CPEB3: variants seen among roughly 807,000 people sequenced by gnomAD.
The protein encoded by CPEB3 is cytoplasmic polyadenylation element binding protein 3.
CPEB3 carries 20 observed loss-of-function variants against 67.2 expected under a neutral mutation model. That is an observed-to-expected ratio of 0.30 (90% CI 0.21 to 0.43). The LOEUF (loss-of-function observed/expected upper bound fraction) is 0.43. Among genes scored for constraint, CPEB3 ranks in the 20% least tolerant of loss-of-function variants. The pLI, the probability that CPEB3 is intolerant of heterozygous loss-of-function variation, is 1.00. For synonymous variants in CPEB3, 376 were observed against 393.1 expected, an observed-to-expected ratio of 0.96 and a Z score of 0.51; for missense variants, 746 against 968.6, an observed-to-expected ratio of 0.77 and a Z score of 3.05.
At chr10:92,077,578 G>A (rs1564759150) in intron 9 of CPEB3, among the ~76,000 whole-genome samples, 1 of 152,024 alleles carries the variant, frequency 6.6e-6, no homozygotes, top group Non-Finnish European at 1.5e-5. Context: ...GCAATATGGT[G>A]AAACCTTATT....
At chr10:92,196,426 G>C (rs1469193386) in intron 2 of CPEB3, among the ~76,000 whole-genome samples, 1 of 152,090 alleles carries the variant, frequency 6.6e-6, no homozygotes, top group Non-Finnish European at 1.5e-5. Context: ...CCACTTACTG[G>C]CATGTCACTT....
chr10:92,229,207 A>AT (rs1851142679), intron 2 of CPEB3, among the ~76,000 whole-genome samples: 7 of 151,564 alleles, frequency 4.6e-5, no homozygotes, highest in South Asian at 2.1e-4. Flanking sequence ...AAAATTTTTA[A>AT]TTTTTTTATA....
chr10:92,174,233 A>G (rs1051386085), intron 4 of CPEB3, among the ~76,000 whole-genome samples: 6 of 152,318 alleles, frequency 3.9e-5, no homozygotes, highest in Admixed American at 3.3e-4. Context: ...GTTCACTCCC[A>G]GCAGAGGATA....
At chr10:92,281,427 A>G (rs546981450) in intron 1 of CPEB3, among the ~76,000 whole-genome samples, 2 of 152,164 alleles carry the variant, frequency 1.3e-5, no homozygotes, top group South Asian at 2.1e-4. Flanking sequence ...AAATTTTTAT[A>G]TATTCTAAAT....
At chr10:92,129,296 T>C (rs553990401) in intron 6 of CPEB3, among the ~76,000 whole-genome samples, 2 of 152,164 alleles carry the variant, frequency 1.3e-5, no homozygotes, top group African/African-American at 2.4e-5. Flanking sequence ...TGAGAACACA[T>C]GGACACATAG....
intron 1 of CPEB3, among the ~76,000 whole-genome samples, chr10:92,286,179 C>T (rs185154110): frequency 7.9e-4 from 120 of 152,186 alleles, no homozygotes; most frequent in Non-Finnish European, 1.6e-3. Flanking sequence ...TTGTGATCTG[C>T]CCACCTCGGC....
intron 4 of CPEB3, among the ~76,000 whole-genome samples, chr10:92,146,806 T>A (rs1030264882): frequency 1.3e-5 from 2 of 152,210 alleles, no homozygotes; most frequent in African/African-American, 4.8e-5. Context: ...CAGTAAATTC[T>A]CATCCCTTGA....
intron 1 of CPEB3, among the ~76,000 whole-genome samples, chr10:92,280,386 A>G (rs975942866): frequency 1.3e-5 from 2 of 150,438 alleles, no homozygotes; most frequent in Non-Finnish European, 3.0e-5. Flanking sequence ...AGAGAGAAAG[A>G]AAAAAAACTA....
rs749285662 is a variant in CPEB3 at position 92,289,718 on chromosome 10, C to CAAAAAAAAAAAAAAAAAAAAAAAA, written c.-12+1207_-12+1208insTTTTTTTTTTTTTTTTTTTTTTTT. Among the ~76,000 whole-genome samples, 5 of 30,960 alleles carry CAAAAAAAAAAAAAAAAAAAAAAAA rather than the reference C, an allele frequency of 1.6e-4. 2 individuals are homozygous for CAAAAAAAAAAAAAAAAAAAAAAAA. Among genetic ancestry groups the CAAAAAAAAAAAAAAAAAAAAAAAA allele is most frequent in the Non-Finnish European group, 2.3e-4 (5 of 21,320 alleles). 20.3% of individuals were successfully genotyped at this position (30,960 alleles called of 152,430 possible). A position where few individuals can be genotyped will look rare whatever the true frequency, so the allele number is the denominator to read the frequency against. ...CAACATGGCGAGACCGCGTCTCTAC[C>CAAAAAAAAAAAAAAAAAAAAAAAA]AAAAAAAAAAAAAAATATATATATA... On this transcript the variant is annotated intron_variant, in intron 1 of 9. Transcript: ENST00000265997.
At chr10:92,138,404 A>T in intron 6 of CPEB3, 1 of 170,256 alleles carries the variant, frequency 5.9e-6, no homozygotes, top group East Asian at 1.5e-4. Context: ...CCCAGCCAGG[A>T]TTCATTCTTG....
At chr10:92,227,412 A>G (rs1037043269) in intron 2 of CPEB3, among the ~76,000 whole-genome samples, 3 of 152,210 alleles carry the variant, frequency 2.0e-5, no homozygotes, top group African/African-American at 7.2e-5. Context: ...CACATGGATT[A>G]TGATTTTGAA....
intron 9 of CPEB3, among the ~76,000 whole-genome samples, chr10:92,076,586 TCTGTGTGTGTAGAGA>T (rs751343848): frequency 2.1e-4 from 32 of 151,920 alleles, no homozygotes; most frequent in Non-Finnish European, 2.9e-4. Flanking sequence ...TTAAAAAAAC[TCTGTGTGTGTAGAGA>T]TGGGGTCTCC....
At chr10:92,253,463 C>CAAAAAA (rs370091703) in intron 1 of CPEB3, among the ~76,000 whole-genome samples, 1,718 of 73,758 alleles carry the variant, frequency 0.023, no homozygotes, top group African/African-American at 0.026. Flanking sequence ...TGTCTCAAAA[C>CAAAAAA]AAAAAAAAAA....
chr10:92,108,063 A>G lies in CPEB3; in HGVS notation c.1572+3013T>C, dbSNP rs1786103573. On this transcript the variant is annotated intron_variant, in intron 7 of 9. Transcript: ENST00000265997. ...ATCTGATTAATCTGTTCCAAAGGGA[A>G]CAGGAGTTTGAGGGGAAACGATGAG... 2.0e-5 allele frequency among the ~76,000 whole-genome samples: 3 copies of G among 152,318 alleles called. 1 individual carries two copies. The highest frequency in any genetic ancestry group is 6.8e-3 in the Middle Eastern group (2 of 294).
At chr10:92,202,033 C>T (rs948855863) in intron 2 of CPEB3, among the ~76,000 whole-genome samples, 2 of 152,064 alleles carry the variant, frequency 1.3e-5, no homozygotes, top group Non-Finnish European at 2.9e-5. Context: ...ATTCATCTTG[C>T]AAGACTTTTA....
At chr10:92,218,292 A>C (rs973562936) in intron 2 of CPEB3, among the ~76,000 whole-genome samples, 1 of 152,162 alleles carries the variant, frequency 6.6e-6, no homozygotes, top group Non-Finnish European at 1.5e-5. Flanking sequence ...CTGTAATCCC[A>C]GCTACTTGGG....
intron 7 of CPEB3, among the ~76,000 whole-genome samples, chr10:92,097,690 A>G (rs531503385): frequency 6.6e-6 from 1 of 152,332 alleles, no homozygotes; most frequent in South Asian, 2.1e-4. Context: ...AACAGTTAGT[A>G]GTGAAATCAC....
intron 6 of CPEB3, among the ~76,000 whole-genome samples, chr10:92,139,922 A>T (rs1040090572): frequency 6.6e-6 from 1 of 152,006 alleles, no homozygotes; most frequent in African/African-American, 2.4e-5. Context: ...AAATTACAAA[A>T]ATTAGCCGGG....
chr10:92,281,994 G>C (rs1198255540), intron 1 of CPEB3, among the ~76,000 whole-genome samples: 3 of 152,136 alleles, frequency 2.0e-5, no homozygotes, highest in Admixed American at 6.6e-5. Context: ...GGTCTGCAAG[G>C]CCATACTTTG....
Sources: gnomAD v4.1 joint callset for allele counts (sites outside exome capture counted in the v4.1 genomes callset) on GRCh38, gnomAD v4.1.1 for gene constraint, MANE v1.5 for transcripts, NCBI Gene and HGNC (gene_info 2026-07-23, HGNC 2026-07-21) for gene names.